DOCK7: variants seen among roughly 807,000 people sequenced by gnomAD.
The protein encoded by DOCK7 is dedicator of cytokinesis 7.
A neutral mutation model predicts 271.0 loss-of-function variants in DOCK7; 138 were observed. The ratio of observed to expected loss-of-function variants is 0.51; its 90% CI spans 0.44 to 0.59. The LOEUF is 0.59. Among genes scored for constraint, DOCK7 ranks in the 20% least tolerant of loss-of-function variants. The pLI, the probability that DOCK7 is intolerant of heterozygous loss-of-function variation, is 0.00. For missense variants in DOCK7, 2,066 were observed against 2,592.4 expected (o/e 0.80, Z 4.41); for synonymous variants, 823 against 876.1 (o/e 0.94, Z 1.07).
chr1:62,665,448 G>A (rs1365781928), intron 1 of DOCK7, among the ~76,000 whole-genome samples: 1 of 151,702 alleles, frequency 6.6e-6, no homozygotes, highest in Non-Finnish European at 1.5e-5. Context: ...GCTCGCGCCT[G>A]TAATCCCAGC....
intron 10 of DOCK7, 100 bp downstream of exon 10, chr1:62,633,398 C>A: frequency 1.2e-6 from 1 of 867,696 alleles, no homozygotes; most frequent in Non-Finnish European, 1.8e-6. Flanking sequence ...CATATTAAAG[C>A]TATTAATTGC....
intron 2 of DOCK7, among the ~76,000 whole-genome samples, chr1:62,657,440 T>C (rs1658161285): frequency 6.6e-6 from 1 of 152,092 alleles, no homozygotes; most frequent in African/African-American, 2.4e-5. Flanking sequence ...CCAGCTAAAA[T>C]ATGTTTAAAT....
At position 62,552,764 on chromosome 1, in the gene DOCK7, C is replaced by T; in HGVS notation, c.2734G>A (p.Asp912Asn). ...CCGATGATTGATCGAACTTCATCAT[C>T]TGGTGACGTGGGAGTCCCAGATATA... ...PDISGTPTSP[D>N]DEVRSIIGSK... The change falls in exon 22 of 50, where the codon GAT becomes AAT. Residue 912 changes from aspartate (D) to asparagine (N), a missense_variant. By Grantham distance (23) the Asp-to-Asn change is conservative. This residue lies in a region of DOCK7 where 1,414 missense variants were observed against 1,670.4 expected (regional missense o/e 0.85). Transcript: ENST00000635253. 1.2e-6 allele frequency: 2 copies of T among 1,613,070 alleles called. No individual in the cohort carries two copies. The highest frequency in any genetic ancestry group is 1.7e-6 in the Non-Finnish European group (2 of 1,179,522).
intron 14 of DOCK7, among the ~76,000 whole-genome samples, chr1:62,594,815 G>A (rs992572363): frequency 6.6e-6 from 1 of 152,144 alleles, no homozygotes; most frequent in South Asian, 2.1e-4. Flanking sequence ...TAGTGTAATA[G>A]GGGAGAGAAG....
intron 2 of DOCK7, among the ~76,000 whole-genome samples, chr1:62,655,094 C>A (rs1260234717): frequency 6.6e-6 from 1 of 152,100 alleles, no homozygotes; most frequent in African/African-American, 2.4e-5. Flanking sequence ...GTTACAGTAG[C>A]CATACGAAAG....
At chr1:62,672,208 AT>A (rs1051866862) in intron 1 of DOCK7, among the ~76,000 whole-genome samples, 16 of 152,112 alleles carry the variant, frequency 1.1e-4, no homozygotes, top group African/African-American at 3.9e-4. Flanking sequence ...AGAAATCCTT[AT>A]TTTTTAATGT....
chr1:62,541,267 T>G (rs150148078), intron 25 of DOCK7, among the ~76,000 whole-genome samples: 1 of 152,354 alleles, frequency 6.6e-6, no homozygotes, highest in Non-Finnish European at 1.5e-5. Context: ...TCTCTGTGCC[T>G]TAGTAATACC....
intron 48 of DOCK7, among the ~76,000 whole-genome samples, chr1:62,471,047 C>T (rs1357098226): frequency 6.6e-6 from 1 of 152,138 alleles, no homozygotes; most frequent in African/African-American, 2.4e-5. Context: ...TTATGATGAT[C>T]CACTTCCACT....
At chr1:62,562,233 CTTTTT>C (rs59893499) in intron 18 of DOCK7, among the ~76,000 whole-genome samples, 1 of 121,210 alleles carries the variant, frequency 8.3e-6, no homozygotes. Context: ...GATCCAAAAA[CTTTTT>C]TTTTTTTTTT....
chr1:62,559,208 C>T lies in DOCK7; in HGVS notation c.2212G>A (p.Asp738Asn). 3 of 1,612,144 alleles carry T rather than the reference C, an allele frequency of 1.9e-6. No homozygotes were observed. Among genetic ancestry groups the T allele is most frequent in the Non-Finnish European group, 2.5e-6 (3 of 1,178,838 alleles). Residue 738 changes from aspartate to asparagine, a missense_variant, in exon 20 of 50, where the codon GAC (aspartate) becomes AAC (asparagine). By Grantham distance (23) the Asp-to-Asn change is conservative. Transcript: ENST00000635253. ...GCATTGACCAGAGCAAAAAATTTGT[C>T]AAGATAAGGATCCTAAAACAAAGAA... ...SSIHTQDPYL[D>N]KFFALVNALD...
At chr1:62,472,258 C>T (rs1169032422) in intron 48 of DOCK7, among the ~76,000 whole-genome samples, 1 of 152,122 alleles carries the variant, frequency 6.6e-6, no homozygotes, top group Non-Finnish European at 1.5e-5. Flanking sequence ...GCGCCCACCA[C>T]CATGCTCGGC....
chr1:62,475,443 G>A, intron 46 of DOCK7, 92 bp from the exon 47 acceptor site: 2 of 1,341,980 alleles, frequency 1.5e-6, no homozygotes, highest in South Asian at 3.1e-5. Context: ...AAAAAAAAAA[G>A]ATCAATTGTA....
At position 62,543,636 on chromosome 1, in the gene DOCK7, T is replaced by G. The variant is rs775240283; in HGVS notation, c.2949+20A>C. On this transcript the variant is annotated intron_variant, in intron 24 of 49. Coordinates refer to ENST00000635253, the MANE Select transcript of DOCK7 (RefSeq NM_001367561.1). Reference sequence around the variant, plus strand: ...TGAAATTATTTTCCCCCTCTATGAATTGTCTTCATATGAATCTACCTTTTT... The same window carrying G: ...TGAAATTATTTTCCCCCTCTATGAAGTGTCTTCATATGAATCTACCTTTTT... 3.2e-6 allele frequency: 5 copies of G among 1,546,054 alleles called. No homozygotes were observed. Among genetic ancestry groups the G allele is most frequent in the Non-Finnish European group, 4.5e-6 (5 of 1,123,386 alleles).
chr1:62,544,659 A>G (rs1645642521), intron 23 of DOCK7, among the ~76,000 whole-genome samples: 1 of 152,206 alleles, frequency 6.6e-6, no homozygotes, highest in African/African-American at 2.4e-5. Context: ...ACCCCTAAAG[A>G]AGAAACTGTT....
chr1:62,543,275 A>G, intron 24 of DOCK7: 1 of 166,064 alleles, frequency 6.0e-6, no homozygotes, highest in Non-Finnish European at 1.3e-5. Context: ...AAGCAAATCA[A>G]CATATCTTAC....
intron 18 of DOCK7, among the ~76,000 whole-genome samples, chr1:62,570,096 G>A (rs1370679041): frequency 2.6e-5 from 4 of 152,140 alleles, no homozygotes; most frequent in African/African-American, 9.7e-5. Context: ...TAAATAGGAT[G>A]AGAAGAAGTC....
chr1:62,539,966 T>C, intron 25 of DOCK7, 74 bp from the exon 26 acceptor site: 1 of 1,040,362 alleles, frequency 9.6e-7, no homozygotes, highest in Non-Finnish European at 1.3e-6. Flanking sequence ...ACACTTGGAC[T>C]ATTTTTAAAA....
chr1:62,547,443 A>G (rs1201843988), intron 22 of DOCK7, among the ~76,000 whole-genome samples: 2 of 152,158 alleles, frequency 1.3e-5, no homozygotes, highest in Non-Finnish European at 2.9e-5. Context: ...CAGTAACACT[A>G]TTGATTTCTT....
chr1:62,485,521 T>G, intron 43 of DOCK7: 1 of 985,420 alleles, frequency 1.0e-6, no homozygotes, highest in Non-Finnish European at 1.2e-6. Flanking sequence ...GCACAGATTA[T>G]CCTTACTGGA....
Sources: gnomAD v4.1 joint callset for allele counts (sites outside exome capture counted in the v4.1 genomes callset) on GRCh38, gnomAD v4.1.1 for gene constraint, gnomAD v4.1.1 regional missense constraint, MANE v1.5 for transcripts, NCBI Gene and HGNC (gene_info 2026-07-23, HGNC 2026-07-21) for gene names.